The following MRPL57 variants were observed in gnomAD, a reference collection of about 807,000 sequenced individuals.
MRPL57 encodes mitochondrial ribosomal protein L57.
Under a neutral mutation model 1.3 loss-of-function variants are expected in MRPL57, and 1 was observed. The observed-to-expected ratio is 0.79, with a 90% CI of 0.28 to 3.75. The LOEUF is 3.75. MRPL57 is among the 30% of genes most tolerant of loss of function. The pLI, the probability that MRPL57 is intolerant of heterozygous loss-of-function variation, is 0.19. For missense variants in MRPL57, 170 were observed against 148.9 expected, an observed-to-expected ratio of 1.14 and a Z score of -0.74; for synonymous variants, 79 against 61.7, an observed-to-expected ratio of 1.28 and a Z score of -1.31.
At position 21,177,211 on chromosome 13, in the gene MRPL57, A is replaced by G. The variant is rs912320900; in HGVS notation, c.295A>G (p.Lys99Glu). 3 of 1,613,788 alleles carry G rather than the reference A, an allele frequency of 1.9e-6. No homozygotes were observed. Among genetic ancestry groups the G allele is most frequent in the Non-Finnish European group, 1.7e-6 (2 of 1,180,042 alleles). ...CCAGCTCGACCATCTCAATGTCACC[A>G]AGAAATGGTCCTAATCCTGAGTCGT... ...ADQLDHLNVT[K>E]KWS is the part of the protein sequence containing the mutation. The change falls in exon 2 of 2, where the codon AAG becomes GAG. Residue 99 changes from lysine to glutamate, a missense_variant. By Grantham distance (56) the Lys-to-Glu change is moderately conservative. Coordinates refer to ENST00000309594, the MANE Select transcript of MRPL57 (RefSeq NM_024026.5).
chr13:21,178,622 AC>A lies in MRPL57; in HGVS notation c.*1399del, dbSNP rs1304853966. The stretch of plus-strand genomic sequence containing the variant: ...GATCACCTGAGATCAGGAGTTCCAG[AC>A]CAGCCTGGCCAACATGGCGAAACCC... On this transcript the variant is annotated 3_prime_UTR_variant, in exon 2 of 2. Coordinates refer to ENST00000309594, the MANE Select transcript of MRPL57 (RefSeq NM_024026.5). 6.2e-6 allele frequency: 1 copy of A among 161,878 alleles called. No homozygotes were observed. The highest frequency in any genetic ancestry group is 1.5e-5 in the Non-Finnish European group (1 of 68,136). The allele number at this position is 161,878 out of a possible 1,614,324, so 10.0% of individuals were successfully genotyped here.
chr13:21,177,235 G>A lies in MRPL57; in HGVS notation c.*10G>A, dbSNP rs769136461. On this transcript the variant is annotated 3_prime_UTR_variant, in exon 2 of 2. Coordinates refer to ENST00000309594, the MANE Select transcript of MRPL57 (RefSeq NM_024026.5). ...CAAGAAATGGTCCTAATCCTGAGTC[G>A]TCACCCTTGGATTTTATGGATCACG... 30 of 1,612,674 alleles carry A rather than the reference G, an allele frequency of 1.9e-5. No individual in the cohort carries two copies. Among genetic ancestry groups the A allele is most frequent in the Middle Eastern group, 1.9e-4 (1 of 5,282 alleles).
In MRPL57 at chr13:21,177,524, A is replaced by G. The variant is rs1871649967; in HGVS notation, c.*299A>G. ...CCACAATGATTTGAGGTCTTTGCTT[A>G]AGTATGAGATACTTGATGGGGGCTT... On this transcript the variant is annotated 3_prime_UTR_variant, in exon 2 of 2. Transcript: ENST00000309594. 4.8e-6 allele frequency: 2 copies of G among 419,112 alleles called. No homozygotes were observed. Among genetic ancestry groups the G allele is most frequent in the Non-Finnish European group, 8.9e-6 (2 of 225,920 alleles). The allele number at this position is 419,112 out of a possible 1,614,324, so 26.0% of individuals were successfully genotyped here.
chr13:21,177,995 AG>A lies in MRPL57; in HGVS notation c.*771del, dbSNP rs1397860503. 4 of 167,074 alleles carry A rather than the reference AG, an allele frequency of 2.4e-5. No homozygotes were observed. Among genetic ancestry groups the A allele is most frequent in the Non-Finnish European group, 5.9e-5 (4 of 68,144 alleles). 10.3% of individuals were successfully genotyped at this position (167,074 alleles called of 1,614,324 possible). A position where few individuals can be genotyped will look rare whatever the true frequency, so the allele number is the denominator to read the frequency against. On this transcript the variant is annotated 3_prime_UTR_variant, in exon 2 of 2. Coordinates refer to ENST00000309594, the MANE Select transcript of MRPL57 (RefSeq NM_024026.5). Reference sequence around the variant, plus strand: ...CATCTCAAAAAAGAAAAATAAACGAAGTAAAAGATATTTATCAGAGCTGTTA... The same window carrying A: ...CATCTCAAAAAAGAAAAATAAACGAATAAAAGATATTTATCAGAGCTGTTA...
Position 21,176,677 on chromosome 13 carries a change from C to T in MRPL57, c.-46C>T, listed in dbSNP as rs1470936284. On this transcript the variant is annotated 5_prime_UTR_variant, in exon 1 of 2. Transcript: ENST00000309594. Reference sequence around the variant, plus strand: ...GGGTGCGCTTACGCCACGGCGTCTGCTGGCGGCCGCGGAGACGCAGAGTCT... The same window carrying T: ...GGGTGCGCTTACGCCACGGCGTCTGTTGGCGGCCGCGGAGACGCAGAGTCT... 3.1e-5 allele frequency: 21 copies of T among 669,494 alleles called. No homozygotes were observed. Among genetic ancestry groups the T allele is most frequent in the Non-Finnish European group, 4.6e-5 (19 of 411,078 alleles). 41.5% of individuals were successfully genotyped at this position (669,494 alleles called of 1,614,324 possible).
rs1414290760 is a variant in MRPL57 at position 21,179,000 on chromosome 13, A to G, written c.*1775A>G. 2 of 166,980 alleles carry G rather than the reference A, an allele frequency of 1.2e-5. No individual in the cohort carries two copies. Among genetic ancestry groups the G allele is most frequent in the African/African-American group, 4.8e-5 (2 of 41,418 alleles). The allele number at this position is 166,980 out of a possible 1,614,324, so 10.3% of individuals were successfully genotyped here. ...TACATATAATAATATAAATAAAAAT[A>G]TCTTTTTTGAAAATAATTTAATATA... On this transcript the variant is annotated 3_prime_UTR_variant, in exon 2 of 2. Transcript: ENST00000309594.
In MRPL57 at chr13:21,176,682, G is replaced by C; in HGVS notation, c.-41G>C. On this transcript the variant is annotated 5_prime_UTR_variant, in exon 1 of 2. Coordinates refer to ENST00000309594, the MANE Select transcript of MRPL57 (RefSeq NM_024026.5). ...CGCTTACGCCACGGCGTCTGCTGGC[G>C]GCCGCGGAGACGCAGAGTCTTGAGC... is the stretch of plus-strand genomic sequence containing the variant. The C allele has an allele frequency of 3.0e-6, 2 of 663,726 alleles. No individual in the cohort carries two copies. The allele number at this position is 663,726 out of a possible 1,614,324, so 41.1% of individuals were successfully genotyped here.
At position 21,177,772 on chromosome 13, in the gene MRPL57, C is replaced by G. The variant is rs1871665263; in HGVS notation, c.*547C>G. 1 of 168,910 alleles carries G rather than the reference C, an allele frequency of 5.9e-6. No individual in the cohort carries two copies. The highest frequency in any genetic ancestry group is 1.9e-4 in the South Asian group (1 of 5,158). The allele number at this position is 168,910 out of a possible 1,614,324, so 10.5% of individuals were successfully genotyped here. A position where few individuals can be genotyped will look rare whatever the true frequency, so the allele number is the denominator to read the frequency against. ...ATCACTTGAGGTCAGGAGTTCAAGA[C>G]CAGCTTGGCCAAGGTGATAAAACCC... On this transcript the variant is annotated 3_prime_UTR_variant, in exon 2 of 2. Transcript: ENST00000309594.
In MRPL57 at chr13:21,177,800, C is replaced by G. The variant is rs1239538285; in HGVS notation, c.*575C>G. The G allele has an allele frequency of 6.0e-6, 1 of 167,558 alleles. No homozygotes were observed. The highest frequency in any genetic ancestry group is 1.4e-5 in the Non-Finnish European group (1 of 69,196). The allele number at this position is 167,558 out of a possible 1,614,324, so 10.4% of individuals were successfully genotyped here. ...GCTTGGCCAAGGTGATAAAACCCGT[C>G]TCTACTAATACAAAAAAAATTAGCT... On this transcript the variant is annotated 3_prime_UTR_variant, in exon 2 of 2. Transcript: ENST00000309594.
In MRPL57 at chr13:21,176,903, C is replaced by T. The variant is rs111272530; in HGVS notation, c.-5-9C>T. On this transcript the variant is annotated splice_polypyrimidine_tract_variant and intron_variant, in intron 1 of 1. Transcript: ENST00000309594. ...TCGCCTCCGCAAAGCCCGTCCCTCTCTTCCGCAGGCACCATGTTCCTGACT... is the reference window on the plus strand; with the variant it reads ...TCGCCTCCGCAAAGCCCGTCCCTCTTTTCCGCAGGCACCATGTTCCTGACT... 3.7e-4 allele frequency: 598 copies of T among 1,601,906 alleles called. No homozygotes were observed. Among genetic ancestry groups the T allele is most frequent in the Middle Eastern group, 5.0e-4 (3 of 6,056 alleles).
Position 21,176,697 on chromosome 13 carries a change from G to A in MRPL57, c.-26G>A, listed in dbSNP as rs1213347269. 6.1e-6 allele frequency: 4 copies of A among 660,130 alleles called. No homozygotes were observed. The highest frequency in any genetic ancestry group is 9.9e-6 in the Non-Finnish European group (4 of 403,574). 40.9% of individuals were successfully genotyped at this position (660,130 alleles called of 1,614,324 possible). A position where few individuals can be genotyped will look rare whatever the true frequency, so the allele number is the denominator to read the frequency against. On this transcript the variant is annotated 5_prime_UTR_variant, in exon 1 of 2. Transcript: ENST00000309594. ...GTCTGCTGGCGGCCGCGGAGACGCAGAGTCTTGAGCAGCGCGGCAGGTGAG... is the reference window on the plus strand; with the variant it reads ...GTCTGCTGGCGGCCGCGGAGACGCAAAGTCTTGAGCAGCGCGGCAGGTGAG...
In MRPL57 at chr13:21,177,570, C is replaced by T. The variant is rs937443394; in HGVS notation, c.*345C>T. 1.1e-5 allele frequency: 3 copies of T among 266,432 alleles called. No individual in the cohort carries two copies. In the Admixed American group the frequency reaches 1.7e-4, roughly 15 times the overall value. 16.5% of individuals were successfully genotyped at this position (266,432 alleles called of 1,614,324 possible). A position where few individuals can be genotyped will look rare whatever the true frequency, so the allele number is the denominator to read the frequency against. On this transcript the variant is annotated 3_prime_UTR_variant, in exon 2 of 2. Transcript: ENST00000309594. ...GGCTTTATCATGCAACATTAGTTTG[C>T]TTACCTTAAGAATTGCCCAAAAATG...
rs1871696143 is a variant in MRPL57 at position 21,178,336 on chromosome 13, C to G, written c.*1111C>G. On this transcript the variant is annotated 3_prime_UTR_variant, in exon 2 of 2. Transcript: ENST00000309594. Reference sequence around the variant, plus strand: ...CCTGTAATCCCAGCTACTCAGGAGGCTGAGGCAGGAGAATCGCTTGCACCC... The same window carrying G: ...CCTGTAATCCCAGCTACTCAGGAGGGTGAGGCAGGAGAATCGCTTGCACCC... 1 of 155,676 alleles carries G rather than the reference C, an allele frequency of 6.4e-6. No individual in the cohort carries two copies. The allele number at this position is 155,676 out of a possible 1,614,324, so 9.6% of individuals were successfully genotyped here. A position where few individuals can be genotyped will look rare whatever the true frequency, so the allele number is the denominator to read the frequency against.
In MRPL57 at chr13:21,177,165, C is replaced by G; in HGVS notation, c.249C>G (p.Pro83=). 6.2e-7 allele frequency: 1 copy of G among 1,614,186 alleles called. No individual in the cohort carries two copies. The highest frequency in any genetic ancestry group is 8.5e-7 in the Non-Finnish European group (1 of 1,180,040). Residue 83 remains proline (P), a synonymous_variant, in exon 2 of 2, where the codon CCC becomes CCG. Coordinates refer to ENST00000309594, the MANE Select transcript of MRPL57 (RefSeq NM_024026.5). ...AGGCGGCCGCCACTTCCAAGTTCCC[C>G]CCGCATAGATTCATTGCGGACCAGC... ...AIKAAATSKF[P]PHRFIADQLD...
At chr13:21,176,851 G>C (rs1871586121) in intron 1 of MRPL57, 61 bp from the exon 2 acceptor site, 2 of 1,542,350 alleles carry the variant, frequency 1.3e-6, no homozygotes, top group Non-Finnish European at 1.7e-6. Flanking sequence ...CGCGCCCGCT[G>C]CTCTCTCCAG....
Position 21,179,002 on chromosome 13 carries a change from CTT to C in MRPL57, c.*1782_*1783del, listed in dbSNP as rs1379836798. 3 of 166,842 alleles carry C rather than the reference CTT, an allele frequency of 1.8e-5. No individual in the cohort carries two copies. The highest frequency in any genetic ancestry group is 4.8e-5 in the African/African-American group (2 of 41,376). The allele number at this position is 166,842 out of a possible 1,614,324, so 10.3% of individuals were successfully genotyped here. On this transcript the variant is annotated 3_prime_UTR_variant, in exon 2 of 2. Transcript: ENST00000309594. ...CATATAATAATATAAATAAAAATAT[CTT>C]TTTTGAAAATAATTTAATATACCAT...
chr13:21,179,055 C>T lies in MRPL57; in HGVS notation c.*1830C>T, dbSNP rs1871733549. 2 of 166,948 alleles carry T rather than the reference C, an allele frequency of 1.2e-5. No homozygotes were observed. Among genetic ancestry groups the T allele is most frequent in the African/African-American group, 4.8e-5 (2 of 41,394 alleles). 10.3% of individuals were successfully genotyped at this position (166,948 alleles called of 1,614,324 possible). A position where few individuals can be genotyped will look rare whatever the true frequency, so the allele number is the denominator to read the frequency against. ...GTAATTTACCAGTTGAAGATGTTCG[C>T]TTTCAGAATATAATAAAAATAGTCA... On this transcript the variant is annotated 3_prime_UTR_variant, in exon 2 of 2. Transcript: ENST00000309594.
At position 21,178,457 on chromosome 13, in the gene MRPL57, G is replaced by T. The variant is rs1329697856; in HGVS notation, c.*1232G>T. ...TTAGGTGGGGAAAAAAATCAGAATTGCGTCTGTGGGAACAGGAATAAAGGA... is the reference window on the plus strand; with the variant it reads ...TTAGGTGGGGAAAAAAATCAGAATTTCGTCTGTGGGAACAGGAATAAAGGA... On this transcript the variant is annotated 3_prime_UTR_variant, in exon 2 of 2. Transcript: ENST00000309594. 4 of 167,046 alleles carry T rather than the reference G, an allele frequency of 2.4e-5. No homozygotes were observed. The East Asian group carries it at 7.7e-4, about 32-fold the overall frequency. 10.3% of individuals were successfully genotyped at this position (167,046 alleles called of 1,614,324 possible). A position where few individuals can be genotyped will look rare whatever the true frequency, so the allele number is the denominator to read the frequency against.
chr13:21,177,006 C>G lies in MRPL57; in HGVS notation c.90C>G (p.Arg30=), dbSNP rs1296190038. The change falls in exon 2 of 2, where the codon CGC becomes CGG. Residue 30 remains arginine, a synonymous_variant. Transcript: ENST00000309594. ...KHRRPRFVSL[R]AKQNMIRRLE... Reference sequence around the variant, plus strand: ...GGCGGCCGCGGTTCGTGTCGTTGCGCGCCAAGCAGAACATGATCCGCCGCC... The same window carrying G: ...GGCGGCCGCGGTTCGTGTCGTTGCGGGCCAAGCAGAACATGATCCGCCGCC... 1.2e-6 allele frequency: 2 copies of G among 1,612,648 alleles called. No homozygotes were observed. Among genetic ancestry groups the G allele is most frequent in the Admixed American group, 3.3e-5 (2 of 60,010 alleles).
Sources: allele counts gnomAD v4.1 joint callset, GRCh38; gene constraint gnomAD v4.1.1; transcripts MANE v1.5; gene names NCBI Gene and HGNC (gene_info 2026-07-23, HGNC 2026-07-21).